Variants in GALR1 observed in about 807,000 individuals in gnomAD.
GALR1 encodes galanin receptor 1, also known as galanin receptor type 1.
A neutral mutation model predicts 17.9 loss-of-function variants in GALR1; 11 were observed. The observed-to-expected ratio is 0.62, with a 90% CI of 0.39 to 1.02. The LOEUF is 1.02. Ranked by LOEUF, GALR1 falls within the 50% of genes least tolerant of loss-of-function variation. The pLI is 0.01. For synonymous variants in GALR1, 206 were observed against 205.7 expected (o/e 1.00, Z -0.01); for missense variants, 441 against 456.9 (o/e 0.97, Z 0.32).
rs1440517952 is a variant in GALR1 at position 77,250,273 on chromosome 18, G to T, written c.-276G>T. Among the ~76,000 whole-genome samples the T allele has an allele frequency of 3.9e-5, 6 of 152,172 alleles. No homozygotes were observed. The highest frequency in any genetic ancestry group is 7.4e-5 in the Non-Finnish European group (5 of 68,006). ...AGCGGGCGGAGGCGCCCGGGAAGGG[G>T]ACCCCAGTGCTCTCGAGATCACCGT... On this transcript the variant is annotated 5_prime_UTR_variant, in exon 1 of 3. Transcript: ENST00000299727.
intron 1 of GALR1, among the ~76,000 whole-genome samples, chr18:77,253,071 A>G (rs1261354771): frequency 1.8e-5 from 2 of 111,694 alleles, no homozygotes; most frequent in Admixed American, 9.8e-5. Flanking sequence ...TAGTAGCAGT[A>G]AGGGAATTTG....
At chr18:77,252,983 C>CCACCACCACCACCACCACCACCACCAT (rs1568139220) in intron 1 of GALR1, among the ~76,000 whole-genome samples, 1 of 53,626 alleles carries the variant, frequency 1.9e-5, no homozygotes, top group Non-Finnish European at 4.2e-5. Flanking sequence ...ACCACCATCA[C>CCACCACCACCACCACCACCACCACCAT]CACCATCACC....
At chr18:77,259,500 GGTGATGGTGGTGGGTA>G (rs1407414711) in intron 2 of GALR1, among the ~76,000 whole-genome samples, 3 of 149,628 alleles carry the variant, frequency 2.0e-5, no homozygotes, top group South Asian at 2.1e-4. Flanking sequence ...TGGTGGTGGT[GGTGATGGTGGTGGGTA>G]GTGATGGTGG....
In GALR1 at chr18:77,271,074, C is replaced by G. The variant is rs2144970518; in HGVS notation, c.*2172C>G. On this transcript the variant is annotated 3_prime_UTR_variant, in exon 3 of 3. Transcript: ENST00000299727. ...TGCACCATGGCTATTTCTTTGTTTT[C>G]TCCTTCTGATCTGTAAGCATATAAA... 6.6e-6 allele frequency: 1 copy of G among 152,248 alleles called. No individual in the cohort carries two copies. Among genetic ancestry groups the G allele is most frequent in the South Asian group, 2.1e-4 (1 of 4,822 alleles). 9.4% of individuals were successfully genotyped at this position (152,248 alleles called of 1,614,324 possible).
intron 2 of GALR1, among the ~76,000 whole-genome samples, chr18:77,258,835 GGTGGTGA>G (rs1220437685): frequency 1.3e-3 from 5 of 3,760 alleles, no homozygotes; most frequent in African/African-American, 3.3e-3. Context: ...TGCTGGTGAT[GGTGGTGA>G]TGGTGGTGGT....
In GALR1 at chr18:77,256,211, A is replaced by C. The variant is rs768567188; in HGVS notation, c.720A>C (p.Ala240=). 1 of 1,574,140 alleles carries C rather than the reference A, an allele frequency of 6.4e-7. No homozygotes were observed. The highest frequency in any genetic ancestry group is 8.7e-7 in the Non-Finnish European group (1 of 1,144,036). ...KLKNMSKKSE[A]SKKKTAQTVL... is the part of the protein sequence containing the mutation. Reference sequence around the variant, plus strand: ...AGAACATGTCAAAGAAGTCTGAAGCATCCAAGAAAAAGGTAATGATCACAA... The same window carrying C: ...AGAACATGTCAAAGAAGTCTGAAGCCTCCAAGAAAAAGGTAATGATCACAA... The change falls in exon 2 of 3, where the codon GCA becomes GCC. Residue 240 remains alanine (A), a synonymous_variant. Coordinates refer to ENST00000299727, the MANE Select transcript of GALR1 (RefSeq NM_001480.4).
rs372334570 is a variant in GALR1, at chr18:77,250,736, C to G, written c.188C>G (p.Pro63Arg). 3 of 1,613,700 alleles carry G rather than the reference C, an allele frequency of 1.9e-6. No individual in the cohort carries two copies. Among genetic ancestry groups the G allele is most frequent in the Admixed American group, 1.7e-5 (1 of 60,018 alleles). The change falls in exon 1 of 3, where the codon CCG (proline) becomes CGG (arginine). Residue 63 changes from proline to arginine, a missense_variant. Transcript: ENST00000299727. ...ATCACCGTGCTGGCGCGCAGCAAGCCGGGCAAGCCGCGGAGCACCACCAAC... is the reference window on the plus strand; with the variant it reads ...ATCACCGTGCTGGCGCGCAGCAAGCGGGGCAAGCCGCGGAGCACCACCAAC... Reference protein sequence around the residue: ...LVITVLARSKPGKPRSTTNLF... With the variant: ...LVITVLARSKRGKPRSTTNLF...
At chr18:77,264,845 A>G (rs1480012868) in intron 2 of GALR1, among the ~76,000 whole-genome samples, 1 of 152,188 alleles carries the variant, frequency 6.6e-6, no homozygotes, top group Non-Finnish European at 1.5e-5. Flanking sequence ...TCATGAGAAT[A>G]GCATGAAGGT....
At chr18:77,252,403 C>T (rs958982223) in intron 1 of GALR1, among the ~76,000 whole-genome samples, 3 of 152,238 alleles carry the variant, frequency 2.0e-5, no homozygotes, top group African/African-American at 4.8e-5. Context: ...CCACAAATAA[C>T]CTGACTAGGT....
Position 77,258,612 on chromosome 18 carries a change from ATGGTGG to A in GALR1, c.732+2398_732+2403del, listed in dbSNP as rs201879328. The stretch of plus-strand genomic sequence containing the variant: ...GGTGATGGTGGTGGTCATGGTGGTG[ATGGTGG>A]TGGTGGTGATGGTGGTGATGGTGGT... On this transcript the variant is annotated intron_variant, in intron 2 of 2. Transcript: ENST00000299727. 7.7e-4 allele frequency among the ~76,000 whole-genome samples: 67 copies of A among 86,612 alleles called. No individual in the cohort carries two copies. In the South Asian group the frequency reaches 0.027, roughly 35 times the overall value. The allele number at this position is 86,612 out of a possible 152,430, so 56.8% of individuals were successfully genotyped here. A position where few individuals can be genotyped will look rare whatever the true frequency, so the allele number is the denominator to read the frequency against.
At position 77,271,006 on chromosome 18, in the gene GALR1, C is replaced by T. The variant is rs1472301866; in HGVS notation, c.*2104C>T. 1 of 152,118 alleles carries T rather than the reference C, an allele frequency of 6.6e-6. No homozygotes were observed. Among genetic ancestry groups the T allele is most frequent in the Non-Finnish European group, 1.5e-5 (1 of 68,040 alleles). The allele number at this position is 152,118 out of a possible 1,614,324, so 9.4% of individuals were successfully genotyped here. On this transcript the variant is annotated 3_prime_UTR_variant, in exon 3 of 3. Transcript: ENST00000299727. ...ACTCACAAAACTGTGTAAAGAAGTG[C>T]CTTCTTGTTGTGTTTGAGTTTGCAT...
Position 77,250,659 on chromosome 18 carries a change from G to A in GALR1, c.111G>A (p.Leu37=), listed in dbSNP as rs1296883871. 3 of 1,610,016 alleles carry A rather than the reference G, an allele frequency of 1.9e-6. No individual in the cohort carries two copies. Among genetic ancestry groups the A allele is most frequent in the Non-Finnish European group, 2.5e-6 (3 of 1,178,874 alleles). Residue 37 remains leucine, a synonymous_variant, in exon 1 of 3, where the codon CTG becomes CTA. Transcript: ENST00000299727. ...TCGGCGTGGAGAACTTCGTCACGCT[G>A]GTGGTGTTCGGCCTGATCTTCGCGC... ...FGIGVENFVT[L]VVFGLIFALG...
At chr18:77,255,771 A>T (rs12717041) in intron 1 of GALR1, among the ~76,000 whole-genome samples, 1 of 152,144 alleles carries the variant, frequency 6.6e-6, no homozygotes, top group Admixed American at 6.5e-5. Flanking sequence ...GACATGTAGC[A>T]GGGACCTGGT....
intron 1 of GALR1, among the ~76,000 whole-genome samples, chr18:77,254,505 A>C (rs1447557048): frequency 2.0e-5 from 3 of 152,096 alleles, no homozygotes; most frequent in Admixed American, 2.0e-4. Context: ...TTTTGTTGTG[A>C]TTTGTCCAGG....
intron 1 of GALR1, among the ~76,000 whole-genome samples, chr18:77,252,285 G>A (rs1239386300): frequency 6.6e-6 from 1 of 151,780 alleles, no homozygotes; most frequent in African/African-American, 2.4e-5. Context: ...CCTAATGTGC[G>A]CAACCTCCTC....
intron 2 of GALR1, among the ~76,000 whole-genome samples, chr18:77,267,593 C>T (rs1174705454): frequency 6.6e-6 from 1 of 152,230 alleles, no homozygotes; most frequent in East Asian, 1.9e-4. Flanking sequence ...AGAGAACCAT[C>T]TGTTTGAGGA....
chr18:77,268,299 A>G (rs112383094), intron 2 of GALR1, among the ~76,000 whole-genome samples: 19 of 152,336 alleles, frequency 1.2e-4, no homozygotes, highest in African/African-American at 4.6e-4. Context: ...GACTTGAAGC[A>G]TACTTCCTAT....
Position 77,268,631 on chromosome 18 carries a change from G to A in GALR1, c.779G>A (p.Trp260Ter). ...LVVVVVFGIS[W>*]LPHHIIHLWA... ...GTGGTTGTGGTGTTTGGAATCTCCTGGCTGCCGCACCACATCATCCATCTC... is the reference window on the plus strand; with the variant it reads ...GTGGTTGTGGTGTTTGGAATCTCCTAGCTGCCGCACCACATCATCCATCTC... Residue 260 changes from tryptophan to a stop codon, truncating the protein, a stop_gained, in exon 3 of 3, where the codon TGG (tryptophan) becomes TAG (stop). Transcript: ENST00000299727. LOFTEE classifies it low-confidence loss of function (END_TRUNC). 6.2e-7 allele frequency: 1 copy of A among 1,613,978 alleles called. No homozygotes were observed. Among genetic ancestry groups the A allele is most frequent in the Non-Finnish European group, 8.5e-7 (1 of 1,179,990 alleles).
Position 77,274,331 on chromosome 18 carries a change from A to G in GALR1, c.*5429A>G, listed in dbSNP as rs1275247378. 6.6e-6 allele frequency: 1 copy of G among 152,276 alleles called. No individual in the cohort carries two copies. The highest frequency in any genetic ancestry group is 1.5e-5 in the Non-Finnish European group (1 of 68,140). 9.4% of individuals were successfully genotyped at this position (152,276 alleles called of 1,614,324 possible). Reference sequence around the variant, plus strand: ...GAGCATCAAAGTAGGCAGACATCCAAAAGCCAAGTGAAGGGCAGATAGATC... The same window carrying G: ...GAGCATCAAAGTAGGCAGACATCCAGAAGCCAAGTGAAGGGCAGATAGATC... On this transcript the variant is annotated 3_prime_UTR_variant, in exon 3 of 3. Transcript: ENST00000299727.
Sources: gnomAD v4.1 joint callset for allele counts (sites outside exome capture counted in the v4.1 genomes callset) on GRCh38, gnomAD v4.1.1 for gene constraint, MANE v1.5 for transcripts, NCBI Gene and HGNC (gene_info 2026-07-23, HGNC 2026-07-21) for gene names.